Variants in CDK14 observed in about 807,000 individuals in gnomAD.
CDK14 encodes the protein cyclin dependent kinase 14.
A neutral mutation model predicts 60.7 loss-of-function variants in CDK14; 34 were observed. The observed-to-expected ratio is 0.56, with a 90% confidence interval of 0.43 to 0.75. The LOEUF (loss-of-function observed/expected upper bound fraction) is 0.75, where lower values mean the gene tolerates loss of function less well. CDK14 is among the 30% of genes least tolerant of loss of function. The pLI, the probability that CDK14 is intolerant of heterozygous loss-of-function variation, is 0.00. For missense variants in CDK14, 482 were observed against 564.1 expected (o/e 0.85, Z 1.47); for synonymous variants, 197 against 203.7 (o/e 0.97, Z 0.28).
chr7:90,895,151 C>G lies in CDK14; in HGVS notation c.640-4140C>G, dbSNP rs970556116. 2.8e-4 allele frequency among the ~76,000 whole-genome samples: 42 copies of G among 152,076 alleles called. 2 individuals carry two copies. Among genetic ancestry groups the G allele is most frequent in the Non-Finnish European group, 7.4e-5 (5 of 67,968 alleles). On this transcript the variant is annotated intron_variant, in intron 6 of 14. Transcript: ENST00000380050. ...TATTAAAACAGTCTGAATTCAGTAC[C>G]TTTTTAGTTATAGCCCTTCCTATGT...
intron 12 of CDK14, among the ~76,000 whole-genome samples, chr7:91,105,875 A>G (rs1488054181): frequency 6.6e-6 from 1 of 152,218 alleles, no homozygotes; most frequent in Non-Finnish European, 1.5e-5. Flanking sequence ...AGAATTGAAA[A>G]GACCTTATAA....
chr7:90,845,104 A>C (rs1790424097), intron 5 of CDK14, among the ~76,000 whole-genome samples: 1 of 152,002 alleles, frequency 6.6e-6, no homozygotes, highest in Admixed American at 6.6e-5. Context: ...GGTGGGCAGG[A>C]TTTTTACTTA....
chr7:90,661,170 A>G (rs1322121846), intron 2 of CDK14, among the ~76,000 whole-genome samples: 1 of 152,212 alleles, frequency 6.6e-6, no homozygotes, highest in Admixed American at 6.5e-5. Context: ...AGTCCTGTGG[A>G]AATTCTTGAG....
chr7:91,018,332 A>G lies in CDK14; in HGVS notation c.1042-27565A>G, dbSNP rs114142114. On this transcript the variant is annotated intron_variant, in intron 10 of 14. Coordinates refer to ENST00000380050, the MANE Select transcript of CDK14 (RefSeq NM_001287135.2). ...ACTGTCTTAGTCTCTTTGAGTTGCC[A>G]TAACAAAATACCATAAGCTGGGTAA... is the stretch of plus-strand genomic sequence containing the variant. Among the ~76,000 whole-genome samples, 482 of 152,322 alleles carry G rather than the reference A, an allele frequency of 3.2e-3. 5 individuals carry two copies. Among genetic ancestry groups the G allele is most frequent in the African/African-American group, 0.011 (462 of 41,566 alleles).
rs1799503923 is a variant in CDK14, at chr7:91,112,811, T to A, written c.1294+130T>A. 13 of 933,098 alleles carry A rather than the reference T, an allele frequency of 1.4e-5. No individual in the cohort carries two copies. The South Asian group carries it at 2.1e-4, about 15-fold the overall frequency. 57.8% of individuals were successfully genotyped at this position (933,098 alleles called of 1,614,324 possible). ...AAACATAAGATAATGTATGTTTGTA[T>A]GTGCATTACAGGTGTGTGTGTGTGT... On this transcript the variant is annotated intron_variant, in intron 13 of 14. Transcript: ENST00000380050.
At chr7:90,687,279 C>T (rs1291513097) in intron 2 of CDK14, among the ~76,000 whole-genome samples, 1 of 151,900 alleles carries the variant, frequency 6.6e-6, no homozygotes, top group African/African-American at 2.4e-5. Context: ...AAAAAATCAT[C>T]CTCAACATGA....
chr7:91,192,185 A>G (rs1802383224), intron 14 of CDK14, among the ~76,000 whole-genome samples: 1 of 152,192 alleles, frequency 6.6e-6, no homozygotes, highest in Non-Finnish European at 1.5e-5. Context: ...GTGAGCAAGA[A>G]TCATCAGAAT....
At chr7:90,923,050 A>G (rs6465296) in intron 8 of CDK14, among the ~76,000 whole-genome samples, 124,437 of 151,166 alleles carry the variant, frequency 0.82, 51,372 homozygotes, top group East Asian at 0.95. Context: ...ACATTTGTCA[A>G]TCACTATAGT....
At chr7:90,667,567 T>C (rs1484112262) in intron 2 of CDK14, among the ~76,000 whole-genome samples, 1 of 151,898 alleles carries the variant, frequency 6.6e-6, no homozygotes, top group Non-Finnish European at 1.5e-5. Context: ...TTGTAGCATG[T>C]ATCCGTACTT....
intron 1 of CDK14, among the ~76,000 whole-genome samples, chr7:90,603,502 G>A (rs571576667): frequency 6.6e-6 from 1 of 152,236 alleles, no homozygotes; most frequent in South Asian, 2.1e-4. Context: ...TGTGTAGTAG[G>A]TGATACCATC....
At chr7:91,094,330 A>G (rs1798917341) in intron 12 of CDK14, among the ~76,000 whole-genome samples, 2 of 152,144 alleles carry the variant, frequency 1.3e-5, no homozygotes, top group African/African-American at 4.8e-5. Flanking sequence ...GATGTACTCT[A>G]ATTTGGGAAA....
chr7:90,777,830 A>T lies in CDK14; in HGVS notation c.465-12743A>T, dbSNP rs190462323. ...TCCAAAGTAAAAAAACTCCCTGATC[A>T]TCCACTATGCCTCAGACTGCACCCT... On this transcript the variant is annotated intron_variant, in intron 4 of 14. Coordinates refer to ENST00000380050, the MANE Select transcript of CDK14 (RefSeq NM_001287135.2). Among the ~76,000 whole-genome samples, 52 of 152,300 alleles carry T rather than the reference A, an allele frequency of 3.4e-4. No individual in the cohort carries two copies. The East Asian group carries it at 0.01, about 29-fold the overall frequency.
chr7:90,664,648 A>G (rs1800934556), intron 2 of CDK14, among the ~76,000 whole-genome samples: 1 of 152,128 alleles, frequency 6.6e-6, no homozygotes, highest in African/African-American at 2.4e-5. Context: ...AGGGACATGG[A>G]TGAAACTGGA....
At chr7:90,826,242 G>A (rs897588430) in intron 5 of CDK14, among the ~76,000 whole-genome samples, 5 of 152,118 alleles carry the variant, frequency 3.3e-5, no homozygotes, top group East Asian at 3.9e-4. Flanking sequence ...TTTTGAGATG[G>A]AGTCTCACTC....
chr7:90,877,223 A>G (rs1791590964), intron 6 of CDK14, among the ~76,000 whole-genome samples: 1 of 152,234 alleles, frequency 6.6e-6, no homozygotes, highest in African/African-American at 2.4e-5. Flanking sequence ...GAATATATAC[A>G]CTTCATTTTT....
intron 9 of CDK14, among the ~76,000 whole-genome samples, chr7:90,980,552 T>C (rs1795202572): frequency 6.6e-6 from 1 of 152,186 alleles, no homozygotes. Flanking sequence ...AGAGCTCTTA[T>C]TGCTGTGTGG....
rs769024611 is a variant in CDK14 at position 90,917,647 on chromosome 7, G to A, written c.749G>A (p.Arg250His). The part of the protein sequence containing the change: ...LLRGLSYIHQ[R>H]YILHRDLKPQ... The stretch of plus-strand genomic sequence containing the variant: ...CGAGGTCTGTCTTACATCCACCAGC[G>A]TTATATTTTGCACAGAGACCTGAAA... Residue 250 changes from arginine (R) to histidine (H), a missense_variant, in exon 8 of 15, where the codon CGT (arginine) becomes CAT (histidine). Transcript: ENST00000380050. 28 of 1,613,432 alleles carry A rather than the reference G, an allele frequency of 1.7e-5. No homozygotes were observed. The highest frequency in any genetic ancestry group is 2.7e-5 in the African/African-American group (2 of 74,876).
intron 4 of CDK14, among the ~76,000 whole-genome samples, chr7:90,748,445 T>A (rs1032165696): frequency 1.3e-5 from 2 of 152,228 alleles, no homozygotes; most frequent in African/African-American, 4.8e-5. Context: ...TGACATGTAG[T>A]TGTAGATAAC....
chr7:90,704,826 G>A (rs1183853327), intron 2 of CDK14, among the ~76,000 whole-genome samples: 1 of 152,094 alleles, frequency 6.6e-6, no homozygotes, highest in Admixed American at 6.6e-5. Context: ...TTTTGGGAAA[G>A]TATTTTAGAT....
Sources: allele counts gnomAD v4.1 joint callset (sites outside exome capture counted in the v4.1 genomes callset), GRCh38; gene constraint gnomAD v4.1.1; transcripts MANE v1.5; gene names NCBI Gene and HGNC (gene_info 2026-07-23, HGNC 2026-07-21).